TAS2R1: variants seen among roughly 807,000 people sequenced by gnomAD.
The protein encoded by TAS2R1 is taste 2 receptor member 1, also known as taste receptor type 2 member 1.
For missense variants in TAS2R1, 370 were observed against 353.4 expected (o/e 1.05, Z -0.38); for synonymous variants, 141 against 134.2 (o/e 1.05, Z -0.35).
the TAS2R1 span, among the ~76,000 whole-genome samples, chr5:9,813,989 T>C: frequency 1.3e-5 from 2 of 152,176 alleles, no homozygotes; most frequent in South Asian, 4.1e-4. Context: ...CCAGTCTGGT[T>C]TTCAAGTTTA....
chr5:9,902,635 T>A, the TAS2R1 span: 1 of 152,028 alleles, frequency 6.6e-6, no homozygotes, highest in Non-Finnish European at 1.5e-5. Flanking sequence ...AGGCAGATAC[T>A]AAAAATCACA....
At chr5:9,810,778 G>C in the TAS2R1 span, among the ~76,000 whole-genome samples, 276 of 152,240 alleles carry the variant, frequency 1.8e-3, no homozygotes, top group Non-Finnish European at 3.2e-3. Flanking sequence ...ATTGCTTGAG[G>C]GCCCAGGAGG....
the TAS2R1 span, among the ~76,000 whole-genome samples, chr5:9,795,960 T>C: frequency 6.6e-6 from 1 of 152,242 alleles, no homozygotes; most frequent in East Asian, 1.9e-4. Context: ...CCAGGTCCTC[T>C]CCCTCACCGA....
rs201678440 is a variant in TAS2R1 at position 9,702,439 on chromosome 5, C to T, written c.-242+9733G>A. 2.0e-4 allele frequency among the ~76,000 whole-genome samples: 30 copies of T among 152,208 alleles called. No individual in the cohort carries two copies. In the East Asian group the frequency reaches 5.6e-3, roughly 28 times the overall value. On this transcript the variant is annotated intron_variant, in intron 1 of 2. Coordinates refer to the TAS2R1 transcript ENST00000506620. ...AAACATCCTAAAATGCACAGGACAG[C>T]CCCTCCACCAAAGAAATATCTGGTC...
At chr5:9,841,251 A>C in the TAS2R1 span, among the ~76,000 whole-genome samples, 1 of 152,180 alleles carries the variant, frequency 6.6e-6, no homozygotes, top group Non-Finnish European at 1.5e-5. Context: ...TGCTTCTTGA[A>C]TATGGTGCTG....
chr5:9,731,605 T>C, the TAS2R1 span, among the ~76,000 whole-genome samples: 1 of 152,214 alleles, frequency 6.6e-6, no homozygotes, highest in Non-Finnish European at 1.5e-5. Context: ...AAATATTCCT[T>C]CAGCACTCCT....
At chr5:9,642,550 C>T (rs1740107048) in intron 2 of TAS2R1, among the ~76,000 whole-genome samples, 1 of 152,140 alleles carries the variant, frequency 6.6e-6, no homozygotes, top group Admixed American at 6.5e-5. Context: ...CATTCATTTG[C>T]TTCTCTCCAC....
intron 1 of TAS2R1, among the ~76,000 whole-genome samples, chr5:9,669,058 G>A (rs919827929): frequency 3.9e-4 from 60 of 152,116 alleles, no homozygotes; most frequent in African/African-American, 1.4e-3. Flanking sequence ...AAAATAAAGG[G>A]ATAGAGAAAC....
At chr5:9,712,491 G>A (rs1305929269), upstream of TAS2R1, 1 of 152,168 alleles carries the variant, frequency 6.6e-6, no homozygotes, top group East Asian at 1.9e-4. Flanking sequence ...CTAATCAGTT[G>A]ACAGTCTTAA....
intron 2 of TAS2R1, among the ~76,000 whole-genome samples, chr5:9,636,829 G>A (rs1012022440): frequency 6.6e-6 from 1 of 152,054 alleles, no homozygotes; most frequent in Non-Finnish European, 1.5e-5. Flanking sequence ...GGCTGGGTGA[G>A]TCTCTTGAAG....
At chr5:9,759,096 A>G in the TAS2R1 span, among the ~76,000 whole-genome samples, 1 of 152,244 alleles carries the variant, frequency 6.6e-6, no homozygotes, top group African/African-American at 2.4e-5. Flanking sequence ...TTCACAAAAC[A>G]TCGTATCTGT....
At chr5:9,748,019 T>C in the TAS2R1 span, among the ~76,000 whole-genome samples, 3 of 152,144 alleles carry the variant, frequency 2.0e-5, no homozygotes, top group Admixed American at 1.3e-4. Flanking sequence ...GAGGAAAGAA[T>C]GGACATGGTG....
chr5:9,859,298 G>A, the TAS2R1 span, among the ~76,000 whole-genome samples: 45 of 152,288 alleles, frequency 3.0e-4, no homozygotes, highest in Admixed American at 1.7e-3. Flanking sequence ...GAAAGCAAAG[G>A]TATAAAATGA....
the TAS2R1 span, among the ~76,000 whole-genome samples, chr5:9,815,565 C>G: frequency 6.6e-6 from 1 of 152,040 alleles, no homozygotes; most frequent in Non-Finnish European, 1.5e-5. Context: ...GTCTGCAGGT[C>G]CCAAGAGAAA....
chr5:9,778,581 C>T, the TAS2R1 span, among the ~76,000 whole-genome samples: 101 of 152,346 alleles, frequency 6.6e-4, no homozygotes, highest in African/African-American at 2.4e-3. Flanking sequence ...ACATTCATAA[C>T]TTGTCTTAGC....
chr5:9,720,881 A>C, the TAS2R1 span, among the ~76,000 whole-genome samples: 2 of 152,184 alleles, frequency 1.3e-5, no homozygotes, highest in Admixed American at 1.3e-4. Flanking sequence ...GCCATGCTGC[A>C]CTTGGAGGGC....
At chr5:9,643,451 T>C (rs1233189097) in intron 2 of TAS2R1, among the ~76,000 whole-genome samples, 1 of 152,128 alleles carries the variant, frequency 6.6e-6, no homozygotes, top group African/African-American at 2.4e-5. Flanking sequence ...GTAGGGCAAT[T>C]ACCATGAATG....
intron 1 of TAS2R1, among the ~76,000 whole-genome samples, chr5:9,687,118 C>T (rs562428653): frequency 6.6e-5 from 10 of 152,258 alleles, no homozygotes; most frequent in African/African-American, 2.2e-4. Context: ...GCATGCGCCA[C>T]CATGCCTGGC....
the TAS2R1 span, among the ~76,000 whole-genome samples, chr5:9,866,463 G>C: frequency 6.6e-6 from 1 of 152,196 alleles, no homozygotes; most frequent in Non-Finnish European, 1.5e-5. Context: ...TATAAAAAAT[G>C]TAGAGACAAT....
Sources: allele counts gnomAD v4.1 joint callset (sites outside exome capture counted in the v4.1 genomes callset), GRCh38; gene constraint gnomAD v4.1.1; transcripts MANE v1.5; gene names NCBI Gene and HGNC (gene_info 2026-07-23, HGNC 2026-07-21).